Variants in RGS7 observed in about 807,000 individuals in gnomAD.
RGS7 encodes regulator of G-protein signaling 7.
RGS7 carries 27 observed loss-of-function variants against 81.1 expected under a neutral mutation model. The ratio of observed to expected loss-of-function variants is 0.33; its 90% CI spans 0.25 to 0.46. The LOEUF is 0.46. Among genes scored for constraint, RGS7 ranks in the 20% least tolerant of loss-of-function variants. The probability of loss-of-function intolerance (pLI) is 1.00; values close to 1 mark genes in which losing one functional copy is unlikely to be tolerated. For missense variants in RGS7, 396 were observed against 607.4 expected, an observed-to-expected ratio of 0.65 and a Z score of 3.66; for synonymous variants, 208 against 207.7, an observed-to-expected ratio of 1.00 and a Z score of -0.01.
chr1:241,323,485 A>G (rs1463105697), intron 2 of RGS7, among the ~76,000 whole-genome samples: 1 of 152,248 alleles, frequency 6.6e-6, no homozygotes, highest in African/African-American at 2.4e-5. Context: ...CCATGCACAC[A>G]CAAGCCAGTG....
intron 3 of RGS7, among the ~76,000 whole-genome samples, chr1:241,058,348 G>T (rs182608228): frequency 6.6e-6 from 1 of 152,348 alleles, no homozygotes; most frequent in Non-Finnish European, 1.5e-5. Flanking sequence ...CCCAAGGGAA[G>T]AAGCAAGGGA....
chr1:240,835,672 C>T (rs185591877), intron 9 of RGS7, among the ~76,000 whole-genome samples: 2 of 152,290 alleles, frequency 1.3e-5, no homozygotes, highest in East Asian at 3.9e-4. Flanking sequence ...ATTGCCGAAA[C>T]TTCAAAGCAA....
At chr1:241,011,485 G>T (rs971231186) in intron 3 of RGS7, among the ~76,000 whole-genome samples, 3 of 152,150 alleles carry the variant, frequency 2.0e-5, no homozygotes, top group African/African-American at 7.2e-5. Context: ...GAATTAAGTT[G>T]TCTGCTGGGG....
intron 2 of RGS7, among the ~76,000 whole-genome samples, chr1:241,304,038 T>G (rs2079932851): frequency 6.6e-6 from 1 of 152,252 alleles, no homozygotes; most frequent in Non-Finnish European, 1.5e-5. Flanking sequence ...CATTTACTAT[T>G]TTAAATACAT....
In RGS7 at chr1:241,039,118, A is replaced by G. The variant is rs186108069; in HGVS notation, c.176-55989T>C. 3.8e-4 allele frequency among the ~76,000 whole-genome samples: 58 copies of G among 152,264 alleles called. No individual in the cohort carries two copies. In the East Asian group the frequency reaches 9.7e-3, roughly 25 times the overall value. The stretch of plus-strand genomic sequence containing the variant: ...GAATACATCTGTGTGTGAAGATCTA[A>G]TCAACAGATTTCCCCCATTTCTGAA... On this transcript the variant is annotated intron_variant, in intron 3 of 18. Transcript: ENST00000440928.
chr1:240,818,065 C>T (rs1310695476), intron 10 of RGS7, among the ~76,000 whole-genome samples: 1 of 152,106 alleles, frequency 6.6e-6, no homozygotes, highest in Non-Finnish European at 1.5e-5. Flanking sequence ...TGAGGATATC[C>T]ATTTCTTTTT....
chr1:241,259,667 A>AAAAAAAAATAT, intron 2 of RGS7, among the ~76,000 whole-genome samples: 1,608 of 48,872 alleles, frequency 0.033, 70 homozygotes, highest in East Asian at 0.064. Context: ...AAAAAAAAAA[A>AAAAAAAAATAT]ATATATATAT....
chr1:241,123,732 C>T (rs1401376828), intron 2 of RGS7, among the ~76,000 whole-genome samples: 6 of 152,116 alleles, frequency 3.9e-5, no homozygotes, highest in South Asian at 2.1e-4. Flanking sequence ...GCCTGAGCAA[C>T]GAGAGTGAAA....
At chr1:240,811,861 C>T in intron 14 of RGS7, 57 bp downstream of exon 14, 1 of 1,447,586 alleles carries the variant, frequency 6.9e-7, no homozygotes, top group Non-Finnish European at 9.7e-7. Context: ...CCAAAATAAC[C>T]AGACACATCA....
intron 3 of RGS7, among the ~76,000 whole-genome samples, chr1:241,095,373 G>A (rs1173372426): frequency 6.6e-6 from 1 of 152,102 alleles, no homozygotes; most frequent in Admixed American, 6.5e-5. Flanking sequence ...ATGATGGCTG[G>A]GCTCATTCCT....
intron 7 of RGS7, 148 bp downstream of exon 7, chr1:240,869,907 T>C (rs1413683135): frequency 1.3e-6 from 1 of 768,850 alleles, no homozygotes; most frequent in Non-Finnish European, 2.3e-6. Context: ...GCCACTGCAC[T>C]CTAGCCTGGG....
chr1:241,341,608 G>C (rs191936286), intron 2 of RGS7, among the ~76,000 whole-genome samples: 33 of 152,044 alleles, frequency 2.2e-4, no homozygotes, highest in Admixed American at 3.9e-4. Context: ...GAGGGAAAGA[G>C]AGAAAGAGAG....
chr1:240,886,121 G>T (rs1430076657), intron 6 of RGS7, among the ~76,000 whole-genome samples: 1 of 152,134 alleles, frequency 6.6e-6, no homozygotes, highest in African/African-American at 2.4e-5. Context: ...ACTGTTCCAA[G>T]CAAAATGGTT....
At chr1:241,250,466 A>ATT (rs112899877) in intron 2 of RGS7, among the ~76,000 whole-genome samples, 63 of 146,410 alleles carry the variant, frequency 4.3e-4, no homozygotes, top group South Asian at 1.3e-3. Context: ...ATATTGTGGG[A>ATT]TTTTTTTTTT....
intron 18 of RGS7, among the ~76,000 whole-genome samples, chr1:240,781,591 G>A (rs1234307718): frequency 6.6e-6 from 1 of 152,164 alleles, no homozygotes; most frequent in Non-Finnish European, 1.5e-5. Context: ...GGGTGACAGA[G>A]CGAGACTCTG....
chr1:240,998,734 C>T, intron 3 of RGS7: 1 of 886,596 alleles, frequency 1.1e-6, no homozygotes, highest in Admixed American at 1.8e-5. Flanking sequence ...GTGACGGTCA[C>T]CTCATCATCG....
At chr1:240,807,047 C>T (rs1358906701) in intron 14 of RGS7, among the ~76,000 whole-genome samples, 1 of 152,106 alleles carries the variant, frequency 6.6e-6, no homozygotes, top group Non-Finnish European at 1.5e-5. Context: ...GGCATCATTG[C>T]AATTCAGAAG....
chr1:241,259,350 T>G (rs1453144421), intron 2 of RGS7, among the ~76,000 whole-genome samples: 1 of 151,714 alleles, frequency 6.6e-6, no homozygotes, highest in Non-Finnish European at 1.5e-5. Flanking sequence ...AAGAACAAAA[T>G]TAGGAACAAA....
chr1:240,848,050 T>C (rs1000352537), intron 9 of RGS7, among the ~76,000 whole-genome samples: 1 of 152,206 alleles, frequency 6.6e-6, no homozygotes, highest in Non-Finnish European at 1.5e-5. Flanking sequence ...GGGTTCTTAT[T>C]CAGGGGTTCT....
Sources: allele counts gnomAD v4.1 joint callset (sites outside exome capture counted in the v4.1 genomes callset), GRCh38; gene constraint gnomAD v4.1.1; transcripts MANE v1.5; gene names NCBI Gene and HGNC (gene_info 2026-07-23, HGNC 2026-07-21).